Variants in EXT1 observed in about 807,000 individuals in gnomAD.
EXT1 encodes the protein exostosin-1.
A neutral mutation model predicts 82.5 loss-of-function variants in EXT1; 20 were observed. That is an observed-to-expected ratio of 0.24 (90% CI 0.17 to 0.35). The LOEUF is 0.35. Ranked by LOEUF, EXT1 falls within the 10% of genes least tolerant of loss-of-function variation. The pLI is 1.00. For synonymous variants in EXT1, 348 were observed against 350.8 expected (o/e 0.99, Z 0.09); for missense variants, 757 against 936.5 (o/e 0.81, Z 2.50).
At chr8:117,834,854 A>T (rs1037841218) in intron 3 of EXT1, among the ~76,000 whole-genome samples, 8 of 151,602 alleles carry the variant, frequency 5.3e-5, no homozygotes, top group South Asian at 2.1e-4. Flanking sequence ...TTAGTAATTT[A>T]AAAAAAAATA....
intron 1 of EXT1, among the ~76,000 whole-genome samples, chr8:117,926,154 T>C (rs76585036): frequency 0.01 from 1,573 of 152,304 alleles, 32 homozygotes; most frequent in African/African-American, 0.035. Context: ...GAACATAAAG[T>C]CTATAATCAA....
Position 117,830,505 on chromosome 8 carries a change from C to A in EXT1, c.1165-156G>T, listed in dbSNP as rs9642837. On this transcript the variant is annotated intron_variant, in intron 3 of 10. Transcript: ENST00000378204. ...ATCATCAATTCCTAAGTTGAAATGA[C>A]CTTAAGAAGTGTCAGCTGCAAAGAG... 0.23 allele frequency among the ~76,000 whole-genome samples: 35,430 copies of A among 152,092 alleles called. 4,168 individuals carry two copies. Among genetic ancestry groups the A allele is most frequent in the South Asian group, 0.26 (1,254 of 4,818 alleles).
At chr8:118,031,594 T>A (rs1816320199) in intron 1 of EXT1, among the ~76,000 whole-genome samples, 1 of 152,066 alleles carries the variant, frequency 6.6e-6, no homozygotes, top group African/African-American at 2.4e-5. Flanking sequence ...TAATTTAAAG[T>A]TAAAAGGCTT....
chr8:118,059,983 T>C (rs1816857925), intron 1 of EXT1, among the ~76,000 whole-genome samples: 3 of 152,140 alleles, frequency 2.0e-5, no homozygotes, highest in Admixed American at 2.0e-4. Flanking sequence ...CTGCCACACA[T>C]AGGACCCAAA....
intron 1 of EXT1, among the ~76,000 whole-genome samples, chr8:118,002,376 G>A (rs1242074262): frequency 6.3e-5 from 6 of 94,642 alleles, no homozygotes; most frequent in East Asian, 3.1e-4. Context: ...CGGCGACTCC[G>A]TCTCCAAAAA....
intron 1 of EXT1, among the ~76,000 whole-genome samples, chr8:117,853,074 C>T (rs1477148903): frequency 6.6e-6 from 1 of 152,122 alleles, no homozygotes; most frequent in African/African-American, 2.4e-5. Flanking sequence ...GCAGTGCTGA[C>T]AGTAGATGCA....
chr8:118,025,741 C>CA (rs973180764), intron 1 of EXT1, among the ~76,000 whole-genome samples: 192 of 152,144 alleles, frequency 1.3e-3, no homozygotes, highest in Middle Eastern at 3.4e-3. Flanking sequence ...GTCTTGTTTC[C>CA]TTTTTTTCTC....
rs576831903 is a variant in EXT1 at position 117,824,325 on chromosome 8, G to A, written c.1285-1728C>T. 8.5e-5 allele frequency among the ~76,000 whole-genome samples: 13 copies of A among 152,074 alleles called. No individual in the cohort carries two copies. In the South Asian group the frequency reaches 1.7e-3, roughly 19 times the overall value. On this transcript the variant is annotated intron_variant, in intron 4 of 10. Transcript: ENST00000378204. ...TTGTCATAGACTATCTTTTTGGTTC[G>A]GCATCACAACATTGTTATCTTTTAA...
In EXT1 at chr8:118,067,909, G is replaced by A. The variant is rs963542726; in HGVS notation, c.962+42176C>T. On this transcript the variant is annotated intron_variant, in intron 1 of 10. Transcript: ENST00000378204. ...GAAATAAATCATTTATTTTCCCACT[G>A]TGGAAGGTAAGCTTAAGTCACCATC... is the stretch of plus-strand genomic sequence containing the variant. Among the ~76,000 whole-genome samples, 15 of 152,298 alleles carry A rather than the reference G, an allele frequency of 9.8e-5. 2 individuals are homozygous for A. Among genetic ancestry groups the A allele is most frequent in the Admixed American group, 9.1e-4 (14 of 15,302 alleles).
chr8:117,889,308 T>C (rs1813202027), intron 1 of EXT1, among the ~76,000 whole-genome samples: 2 of 152,216 alleles, frequency 1.3e-5, no homozygotes, highest in South Asian at 4.1e-4. Flanking sequence ...CTGTCACTCC[T>C]AGCTATTTAT....
intron 1 of EXT1, among the ~76,000 whole-genome samples, chr8:117,994,402 A>C (rs909709571): frequency 1.3e-5 from 2 of 152,196 alleles, no homozygotes; most frequent in Non-Finnish European, 2.9e-5. Context: ...ACTTGAGTCT[A>C]GGAGTTTGAG....
chr8:117,856,582 T>C (rs1812565064), intron 1 of EXT1, among the ~76,000 whole-genome samples: 2 of 147,732 alleles, frequency 1.4e-5, no homozygotes. Context: ...TTTTCAATTT[T>C]ATGATGACAG....
intron 1 of EXT1, among the ~76,000 whole-genome samples, chr8:118,084,471 C>T (rs1817385004): frequency 6.6e-6 from 1 of 152,204 alleles, no homozygotes; most frequent in Admixed American, 6.5e-5. Flanking sequence ...ATCAGATTTT[C>T]ATGCAGCAAT....
At chr8:118,076,446 A>C (rs1817209664) in intron 1 of EXT1, among the ~76,000 whole-genome samples, 1 of 152,202 alleles carries the variant, frequency 6.6e-6, no homozygotes, top group African/African-American at 2.4e-5. Flanking sequence ...GTTACTCCCA[A>C]AGTCTTTGTG....
intron 1 of EXT1, among the ~76,000 whole-genome samples, chr8:117,974,074 T>G (rs952690365): frequency 6.6e-6 from 1 of 152,104 alleles, no homozygotes; most frequent in Non-Finnish European, 1.5e-5. Flanking sequence ...TTATAATTCT[T>G]CTCATCCCCT....
At chr8:118,027,629 C>T (rs1214652353) in intron 1 of EXT1, among the ~76,000 whole-genome samples, 2 of 152,222 alleles carry the variant, frequency 1.3e-5, no homozygotes, top group Non-Finnish European at 2.9e-5. Context: ...CTTTCTTGCA[C>T]ACCCTCTTAG....
At chr8:118,012,392 C>T (rs1036753968) in intron 1 of EXT1, among the ~76,000 whole-genome samples, 36 of 152,186 alleles carry the variant, frequency 2.4e-4, no homozygotes, top group African/African-American at 5.3e-4. Flanking sequence ...TGGATTGACC[C>T]TTTTTGTCCG....
chr8:117,943,222 T>A (rs933856878), intron 1 of EXT1, among the ~76,000 whole-genome samples: 8 of 152,206 alleles, frequency 5.3e-5, no homozygotes, highest in Non-Finnish European at 1.2e-4. Context: ...CATTGCCTGA[T>A]AATGGCAAGA....
chr8:117,843,694 A>G lies in EXT1; in HGVS notation c.963-6493T>C, dbSNP rs368962369. On this transcript the variant is annotated intron_variant, in intron 1 of 10. Transcript: ENST00000378204. ...GGTGTCACTGAAGGGCTTGAGCAGA[A>G]GAATGACATGGTACCAATGGTGTTC... is the stretch of plus-strand genomic sequence containing the variant. Among the ~76,000 whole-genome samples the G allele has an allele frequency of 1.5e-4, 23 of 152,256 alleles. No individual in the cohort carries two copies. In the South Asian group the frequency reaches 1.7e-3, roughly 11 times the overall value.
Sources: gnomAD v4.1 joint callset for allele counts (sites outside exome capture counted in the v4.1 genomes callset) on GRCh38, gnomAD v4.1.1 for gene constraint, MANE v1.5 for transcripts, NCBI Gene and HGNC (gene_info 2026-07-23, HGNC 2026-07-21) for gene names.